The following ST7 variants were observed in gnomAD, a reference collection of about 807,000 sequenced individuals.
The protein encoded by ST7 is suppression of tumorigenicity 7.
ST7 carries 28 observed loss-of-function variants against 78.7 expected under a neutral mutation model. The observed-to-expected ratio is 0.36, with a 90% CI of 0.26 to 0.49. The LOEUF is 0.49. Among genes scored for constraint, ST7 ranks in the 20% least tolerant of loss-of-function variants. The pLI is 0.99. For missense variants in ST7, 418 were observed against 696.0 expected (o/e 0.60, Z 4.49); for synonymous variants, 247 against 249.6 (o/e 0.99, Z 0.10).
intron 9 of ST7, among the ~76,000 whole-genome samples, chr7:117,155,109 A>G (rs1464522905): frequency 1.3e-5 from 2 of 152,158 alleles, no homozygotes; most frequent in African/African-American, 2.4e-5. Flanking sequence ...GGAGGGCCTA[A>G]TTTAGATAAG....
At chr7:116,967,344 C>T (rs183531247) in intron 1 of ST7, 26 of 471,166 alleles carry the variant, frequency 5.5e-5, no homozygotes, top group Non-Finnish European at 8.4e-5. Flanking sequence ...GCTCCACTTG[C>T]GCTACTCTCA....
intron 1 of ST7, chr7:116,959,644 A>T (rs1295726701): frequency 6.3e-6 from 1 of 159,206 alleles, no homozygotes; most frequent in Non-Finnish European, 1.4e-5. Flanking sequence ...TATATATTCT[A>T]TGATGGGCCA....
Position 117,134,206 on chromosome 7 carries a change from C to A in ST7, c.710+14C>A. ...ATTGTTACCAAAGTAAGTCAAGAAC[C>A]TGTTGGGTGCCCTACTTCTAACCAA... On this transcript the variant is annotated intron_variant, in intron 7 of 15. Coordinates refer to ENST00000323984, the MANE Select transcript of ST7 (RefSeq NM_001369598.1). 6.2e-7 allele frequency: 1 copy of A among 1,611,442 alleles called. No individual in the cohort carries two copies. The highest frequency in any genetic ancestry group is 8.5e-7 in the Non-Finnish European group (1 of 1,178,536).
chr7:117,187,539 T>G (rs921524273), intron 10 of ST7: 1 of 152,214 alleles, frequency 6.6e-6, no homozygotes, highest in Non-Finnish European at 1.5e-5. Flanking sequence ...GATTAAAGAT[T>G]ACCTTTGATT....
At chr7:117,159,339 A>G (rs931400928) in intron 9 of ST7, among the ~76,000 whole-genome samples, 4 of 152,212 alleles carry the variant, frequency 2.6e-5, no homozygotes, top group Admixed American at 2.6e-4. Context: ...CTGAAATTCT[A>G]TCCTTGGCCC....
At chr7:117,083,850 A>G (rs1799956424) in intron 1 of ST7, among the ~76,000 whole-genome samples, 3 of 149,930 alleles carry the variant, frequency 2.0e-5, no homozygotes. Context: ...TGGAGGCAGC[A>G]CTAAGGCAAG....
At chr7:116,955,415 G>A (rs1585034106) in intron 1 of ST7, among the ~76,000 whole-genome samples, 2 of 152,114 alleles carry the variant, frequency 1.3e-5, no homozygotes, top group African/African-American at 2.4e-5. Context: ...AGGTGGAAGG[G>A]TAAGAGAACA....
chr7:117,031,892 T>C (rs1188180535), intron 1 of ST7, among the ~76,000 whole-genome samples: 3 of 147,896 alleles, frequency 2.0e-5, no homozygotes, highest in South Asian at 2.1e-4. Context: ...ATTTTTTTTT[T>C]TTTTTTGGCA....
chr7:117,081,562 C>T (rs949060045), intron 1 of ST7, among the ~76,000 whole-genome samples: 1 of 152,060 alleles, frequency 6.6e-6, no homozygotes, highest in Non-Finnish European at 1.5e-5. Context: ...TTATCTGAGA[C>T]ATAATGATTT....
At chr7:117,033,494 G>C (rs958239245) in intron 1 of ST7, among the ~76,000 whole-genome samples, 1 of 151,652 alleles carries the variant, frequency 6.6e-6, no homozygotes, top group African/African-American at 2.4e-5. Context: ...TGCAATCTTG[G>C]CTCACTGCAA....
intron 12 of ST7, among the ~76,000 whole-genome samples, chr7:117,204,572 G>GT (rs975114887): frequency 3.1e-4 from 47 of 152,072 alleles, no homozygotes; most frequent in Middle Eastern, 3.4e-3. Context: ...TACTTGCAGT[G>GT]TTTTTTTTGT....
rs1390882106 is a variant in ST7, at chr7:117,154,545, A to C, written c.963+16013A>C. 2.6e-5 allele frequency among the ~76,000 whole-genome samples: 4 copies of C among 152,150 alleles called. No homozygotes were observed. The East Asian group carries it at 7.7e-4, about 29-fold the overall frequency. On this transcript the variant is annotated intron_variant, in intron 9 of 15. Transcript: ENST00000323984. ...GGTTCCTGCCTGCTGACTTTTGTTT[A>C]CTTGATTAGATAGAAGACAGGGTCA...
At chr7:117,157,106 G>A (rs535032119) in intron 9 of ST7, among the ~76,000 whole-genome samples, 10 of 152,204 alleles carry the variant, frequency 6.6e-5, no homozygotes, top group South Asian at 6.2e-4. Context: ...CAGTGTATGC[G>A]GGTCTGTTAC....
intron 1 of ST7, among the ~76,000 whole-genome samples, chr7:117,010,544 A>G (rs1795346323): frequency 6.6e-6 from 1 of 152,176 alleles, no homozygotes; most frequent in Admixed American, 6.5e-5. Flanking sequence ...GCAAGATGAG[A>G]TATCTTAGAT....
At chr7:117,222,124 C>T (rs1647225325) in intron 15 of ST7, 62 bp downstream of exon 15, 7 of 1,533,200 alleles carry the variant, frequency 4.6e-6, no homozygotes, top group Non-Finnish European at 5.2e-6. Context: ...GGCATAAAAG[C>T]AGCGTGAGAG....
At chr7:116,985,700 A>G (rs1794161331) in intron 1 of ST7, among the ~76,000 whole-genome samples, 1 of 152,184 alleles carries the variant, frequency 6.6e-6, no homozygotes, top group Admixed American at 6.5e-5. Flanking sequence ...GGAAAAGGTG[A>G]TCAGAATTTG....
chr7:117,140,711 TA>T (rs895163680), intron 9 of ST7, among the ~76,000 whole-genome samples: 6 of 151,390 alleles, frequency 4.0e-5, no homozygotes, highest in Admixed American at 2.0e-4. Context: ...ATTACGTTTC[TA>T]AAAAAAAAGT....
At chr7:117,009,146 A>G (rs909174012) in intron 1 of ST7, among the ~76,000 whole-genome samples, 1 of 152,044 alleles carries the variant, frequency 6.6e-6, no homozygotes, top group Non-Finnish European at 1.5e-5. Flanking sequence ...AACATTGAGA[A>G]TGATTTGTTT....
intron 1 of ST7, among the ~76,000 whole-genome samples, chr7:117,037,895 T>A (rs1796978916): frequency 6.6e-6 from 1 of 152,164 alleles, no homozygotes; most frequent in African/African-American, 2.4e-5. Flanking sequence ...TTGTGCTCAG[T>A]GTGTGGAGAT....
Sources: allele counts gnomAD v4.1 joint callset (sites outside exome capture counted in the v4.1 genomes callset), GRCh38; gene constraint gnomAD v4.1.1; transcripts MANE v1.5; gene names NCBI Gene and HGNC (gene_info 2026-07-23, HGNC 2026-07-21).